ANO6: variants seen among roughly 807,000 people sequenced by gnomAD.
ANO6 encodes the protein anoctamin 6, also known as anoctamin-6.
Under a neutral mutation model 117.5 loss-of-function variants are expected in ANO6, and 106 were observed. The observed-to-expected ratio is 0.90, with a 90% confidence interval of 0.77 to 1.06. The LOEUF is 1.06. ANO6 is among the 50% of genes least tolerant of loss of function. The probability of loss-of-function intolerance (pLI) is 0.00; values close to 1 mark genes in which losing one functional copy is unlikely to be tolerated. For synonymous variants in ANO6, 367 were observed against 385.1 expected (o/e 0.95, Z 0.55); for missense variants, 955 against 1,121.1 (o/e 0.85, Z 2.12).
intron 11 of ANO6, among the ~76,000 whole-genome samples, chr12:45,389,549 A>G (rs1251037855): frequency 6.6e-6 from 1 of 152,248 alleles, no homozygotes; most frequent in Non-Finnish European, 1.5e-5. Flanking sequence ...GTTACTTGTT[A>G]AAACATTGCA....
At chr12:45,325,499 T>C (rs1940429963) in intron 2 of ANO6, among the ~76,000 whole-genome samples, 1 of 152,162 alleles carries the variant, frequency 6.6e-6, no homozygotes, top group Non-Finnish European at 1.5e-5. Flanking sequence ...CTGTCTTGTT[T>C]TATTATATCT....
chr12:45,322,915 T>C (rs908323476), intron 2 of ANO6, among the ~76,000 whole-genome samples: 1 of 152,164 alleles, frequency 6.6e-6, no homozygotes, highest in Non-Finnish European at 1.5e-5. Context: ...TTTTTTCCAA[T>C]AGCAGGACTA....
At chr12:45,424,357 A>ATTTT (rs1555181084) in intron 19 of ANO6, among the ~76,000 whole-genome samples, 2 of 118,646 alleles carry the variant, frequency 1.7e-5, no homozygotes, top group Admixed American at 9.4e-5. Flanking sequence ...TTTTTTTTTA[A>ATTTT]AGACAGAGTC....
chr12:45,286,844 G>A (rs901536961), intron 1 of ANO6, among the ~76,000 whole-genome samples: 1 of 152,164 alleles, frequency 6.6e-6, no homozygotes, highest in Non-Finnish European at 1.5e-5. Flanking sequence ...CCATTTTCCA[G>A]GTGCAGACAC....
At chr12:45,347,320 A>G (rs1941161860) in intron 4 of ANO6, 1 of 473,810 alleles carries the variant, frequency 2.1e-6, no homozygotes, top group Non-Finnish European at 3.7e-6. Context: ...GCATGTATGA[A>G]TGATTATTTT....
chr12:45,409,298 T>C (rs1592032096), intron 15 of ANO6, 59 bp from the exon 16 acceptor site: 11 of 1,602,314 alleles, frequency 6.9e-6, no homozygotes, highest in Non-Finnish European at 8.5e-6. Context: ...CAGCAAAATA[T>C]TTTTATGACC....
chr12:45,401,725 AG>A, intron 12 of ANO6, 69 bp from the exon 13 acceptor site: 1 of 1,228,130 alleles, frequency 8.1e-7, no homozygotes, highest in Non-Finnish European at 1.2e-6. Flanking sequence ...GTTAAGTGTG[AG>A]TTCAGTTTTT....
intron 1 of ANO6, among the ~76,000 whole-genome samples, chr12:45,295,829 TG>T (rs1939274760): frequency 6.6e-6 from 1 of 151,970 alleles, no homozygotes; most frequent in Non-Finnish European, 1.5e-5. Context: ...CAAAGTGCTG[TG>T]ATTACAGGCG....
At chr12:45,250,305 G>A (rs989972090) in intron 1 of ANO6, among the ~76,000 whole-genome samples, 5 of 152,164 alleles carry the variant, frequency 3.3e-5, no homozygotes, top group East Asian at 3.8e-4. Context: ...TTTATTCCAT[G>A]CTCTCCAAAT....
chr12:45,423,087 G>A (rs568709467), intron 19 of ANO6, 25 bp downstream of exon 19: 1 of 1,544,938 alleles, frequency 6.5e-7, no homozygotes, highest in Admixed American at 1.7e-5. Flanking sequence ...CTTTCAAACA[G>A]TTTATAAGGA....
At chr12:45,409,287 G>C in intron 15 of ANO6, 70 bp from the exon 16 acceptor site, 1 of 1,581,272 alleles carries the variant, frequency 6.3e-7, no homozygotes, top group Non-Finnish European at 8.7e-7. Flanking sequence ...CTTTGAGATA[G>C]CAGCAAAATA....
At position 45,432,270 on chromosome 12, in the gene ANO6, A is replaced by C. The variant is rs1281249479; in HGVS notation, c.*2959A>C. 2.1e-6 allele frequency: 2 copies of C among 942,080 alleles called. No homozygotes were observed. The highest frequency in any genetic ancestry group is 2.5e-6 in the Non-Finnish European group (2 of 791,246). 58.4% of individuals were successfully genotyped at this position (942,080 alleles called of 1,614,324 possible). A position where few individuals can be genotyped will look rare whatever the true frequency, so the allele number is the denominator to read the frequency against. ...TCTGTGCATTTTAATATTCTTTTAT[A>C]ATTATTAATGTTAATTTCTGTGCAT... On this transcript the variant is annotated 3_prime_UTR_variant, in exon 20 of 20. Coordinates refer to ENST00000320560, the MANE Select transcript of ANO6 (RefSeq NM_001025356.3).
chr12:45,367,086 A>G (rs905933711), intron 8 of ANO6, among the ~76,000 whole-genome samples: 9 of 152,130 alleles, frequency 5.9e-5, no homozygotes, highest in African/African-American at 2.2e-4. Flanking sequence ...GGTTCAAGCA[A>G]TTCTCCTGCC....
At chr12:45,246,407 T>G (rs1465252627) in intron 1 of ANO6, among the ~76,000 whole-genome samples, 1 of 152,166 alleles carries the variant, frequency 6.6e-6, no homozygotes, top group Non-Finnish European at 1.5e-5. Flanking sequence ...CTGGAAGTAT[T>G]TCTACATTTG....
intron 1 of ANO6, among the ~76,000 whole-genome samples, chr12:45,243,022 A>T (rs561464064): frequency 6.6e-6 from 1 of 152,342 alleles, no homozygotes; most frequent in Admixed American, 6.5e-5. Context: ...GGATAATAAG[A>T]TAGTAATTGT....
intron 1 of ANO6, among the ~76,000 whole-genome samples, chr12:45,250,838 A>G (rs1185950957): frequency 6.6e-6 from 1 of 151,850 alleles, no homozygotes; most frequent in African/African-American, 2.4e-5. Context: ...GGATCAAGCA[A>G]TCCTTGGCCT....
intron 10 of ANO6, among the ~76,000 whole-genome samples, chr12:45,386,812 C>T (rs187287731): frequency 6.6e-6 from 1 of 152,366 alleles, no homozygotes; most frequent in Admixed American, 6.5e-5. Flanking sequence ...GCGCAGCTCC[C>T]TGGGGGTAGG....
intron 19 of ANO6, among the ~76,000 whole-genome samples, chr12:45,426,922 C>T (rs867593688): frequency 4.6e-5 from 7 of 151,686 alleles, no homozygotes; most frequent in Non-Finnish European, 7.4e-5. Flanking sequence ...ATGAATCCAA[C>T]GGCCTACCTG....
At chr12:45,253,884 C>T (rs193101578) in intron 1 of ANO6, among the ~76,000 whole-genome samples, 1 of 152,142 alleles carries the variant, frequency 6.6e-6, no homozygotes, top group African/African-American at 2.4e-5. Flanking sequence ...CAGGAAAGTT[C>T]GCCACGGAGT....
Sources: allele counts gnomAD v4.1 joint callset (sites outside exome capture counted in the v4.1 genomes callset), GRCh38; gene constraint gnomAD v4.1.1; transcripts MANE v1.5; gene names NCBI Gene and HGNC (gene_info 2026-07-23, HGNC 2026-07-21).